The following CD276 variants were observed in gnomAD, a reference collection of about 807,000 sequenced individuals.
The protein encoded by CD276 is CD276 antigen.
In CD276, 34 loss-of-function variants were observed where a neutral mutation model predicts 50.0. That is an observed-to-expected ratio of 0.68 (90% CI 0.52 to 0.91). CD276 has a LOEUF of 0.91. CD276 is among the 40% of genes least tolerant of loss of function. The pLI is 0.00. For missense variants in CD276, 634 were observed against 717.5 expected (o/e 0.88, Z 1.33); for synonymous variants, 275 against 313.0 (o/e 0.88, Z 1.28).
intron 1 of CD276, among the ~76,000 whole-genome samples, chr15:73,685,537 T>C (rs1027259714): frequency 6.6e-6 from 1 of 151,646 alleles, no homozygotes; most frequent in Admixed American, 6.6e-5. Context: ...AGAAAAACGA[T>C]TTACCTTCAA....
intron 2 of CD276, among the ~76,000 whole-genome samples, chr15:73,700,908 C>CCTCCTCCTCT (rs761233167): frequency 2.1e-5 from 2 of 94,640 alleles, no homozygotes; most frequent in African/African-American, 6.6e-5. Context: ...TCCTCCTCCT[C>CCTCCTCCTCT]TTTTTTTTTT....
At position 73,702,304 on chromosome 15, in the gene CD276, C is replaced by T. The variant is rs374085706; in HGVS notation, c.129C>T (p.Gly43=). The T allele has an allele frequency of 5.6e-6, 9 of 1,613,002 alleles. No homozygotes were observed. The African/African-American group carries it at 1.1e-4, about 19-fold the overall frequency. The change falls in exon 3 of 10, where the codon GGC becomes GGT. Residue 43 remains glycine (G), a synonymous_variant. Transcript: ENST00000318443. The part of the protein sequence containing the change: ...VPEDPVVALV[G]TDATLCCSFS... ...AAGACCCAGTGGTGGCACTGGTGGGCACCGATGCCACCCTGTGCTGCTCCT... is the reference window on the plus strand; with the variant it reads ...AAGACCCAGTGGTGGCACTGGTGGGTACCGATGCCACCCTGTGCTGCTCCT...
Position 73,687,166 on chromosome 15 carries a change from C to T in CD276, c.-55+2706C>T, listed in dbSNP as rs67257650. 0.34 allele frequency among the ~76,000 whole-genome samples: 51,168 copies of T among 151,964 alleles called. 9,376 individuals carry two copies. The highest frequency in any genetic ancestry group is 0.41 in the Non-Finnish European group (27,545 of 67,972). On this transcript the variant is annotated intron_variant, in intron 1 of 9. Coordinates refer to ENST00000318443, the MANE Select transcript of CD276 (RefSeq NM_001024736.2). The surrounding 1 kb of genome is among the most constrained non-coding windows in gnomAD (Gnocchi z 4.0). ...GTTATGCAACCCTTGCCTGCCACCC[C>T]CAGTTCTACCGCCCTTGCAGTGTGC...
At chr15:73,712,624 G>A (rs1900949863) in intron 9 of CD276, among the ~76,000 whole-genome samples, 1 of 152,252 alleles carries the variant, frequency 6.6e-6, no homozygotes, top group Admixed American at 6.5e-5. Context: ...CAGGAGATGA[G>A]AAGGGAAAAG....
Position 73,708,373 on chromosome 15 carries a change from G to A in CD276, c.1404G>A (p.Trp468Ter). The change falls in exon 7 of 10, where the codon TGG becomes TGA. Residue 468 changes from tryptophan (W) to a stop codon, truncating the protein, a stop_gained. Coordinates refer to ENST00000318443, the MANE Select transcript of CD276 (RefSeq NM_001024736.2). LOFTEE classifies it high-confidence loss of function. ...TGACATTCCCCCCAGAGGCCCTGTGGGTGACCGTGGGGCTGTCTGTCTGTC... is the reference window on the plus strand; with the variant it reads ...TGACATTCCCCCCAGAGGCCCTGTGAGTGACCGTGGGGCTGTCTGTCTGTC... ...QPMTFPPEAL[W>*]VTVGLSVCLI... 1 of 1,614,208 alleles carries A rather than the reference G, an allele frequency of 6.2e-7. No homozygotes were observed. Among genetic ancestry groups the A allele is most frequent in the Non-Finnish European group, 8.5e-7 (1 of 1,180,040 alleles).
At position 73,699,626 on chromosome 15, in the gene CD276, C is replaced by T. The variant is rs372744864; in HGVS notation, c.-14C>T. The T allele has an allele frequency of 7.9e-5, 127 of 1,612,996 alleles. No homozygotes were observed. Among genetic ancestry groups the T allele is most frequent in the Middle Eastern group, 1.6e-4 (1 of 6,074 alleles). ...CACCACGGGGAGCCCAGCTGTCAGC[C>T]GCCTCACAGGAAGATGCTGCGTCGG... On this transcript the variant is annotated 5_prime_UTR_variant, in exon 2 of 10. Coordinates refer to ENST00000318443, the MANE Select transcript of CD276 (RefSeq NM_001024736.2).
intron 2 of CD276, among the ~76,000 whole-genome samples, chr15:73,700,488 C>G (rs766265560): frequency 1.3e-5 from 2 of 152,180 alleles, no homozygotes; most frequent in African/African-American, 4.8e-5. Flanking sequence ...TCTGATTTCT[C>G]TAGAGCAAGA....
intron 1 of CD276, among the ~76,000 whole-genome samples, chr15:73,696,364 ACT>A (rs1244137344): frequency 1.3e-5 from 2 of 151,572 alleles, no homozygotes; most frequent in Admixed American, 6.6e-5. Context: ...TTCACAGGAC[ACT>A]CTCCCATTCT....
Position 73,713,620 on chromosome 15 carries a change from C to G in CD276, c.*664C>G, listed in dbSNP as rs1162321274. ...GGGCACTCTGCGCCCACCACATGCA[C>G]AGCTGTGCATGGAGACCTGCAGGTG... On this transcript the variant is annotated 3_prime_UTR_variant, in exon 10 of 10. Transcript: ENST00000318443. The G allele has an allele frequency of 2.8e-6, 1 of 356,516 alleles. No homozygotes were observed. Among genetic ancestry groups the G allele is most frequent in the African/African-American group, 2.3e-5 (1 of 43,954 alleles). 22.1% of individuals were successfully genotyped at this position (356,516 alleles called of 1,614,324 possible).
chr15:73,685,694 C>T (rs992791826), intron 1 of CD276, among the ~76,000 whole-genome samples: 8 of 152,082 alleles, frequency 5.3e-5, no homozygotes, highest in Non-Finnish European at 2.9e-5. Context: ...TTTAGTGCGG[C>T]CTCCTCTAGT....
chr15:73,709,097 T>C (rs1252684527), intron 7 of CD276, among the ~76,000 whole-genome samples: 1 of 152,034 alleles, frequency 6.6e-6, no homozygotes, highest in East Asian at 1.9e-4. Context: ...AGTTGGCAGA[T>C]AGGTGAGTAC....
At position 73,713,160 on chromosome 15, in the gene CD276, T is replaced by G; in HGVS notation, c.*204T>G. 1 of 555,626 alleles carries G rather than the reference T, an allele frequency of 1.8e-6. No individual in the cohort carries two copies. The allele number at this position is 555,626 out of a possible 1,614,324, so 34.4% of individuals were successfully genotyped here. On this transcript the variant is annotated 3_prime_UTR_variant, in exon 10 of 10. Transcript: ENST00000318443. ...CCAAGTCATCCTGCTGCCTTTTTTC[T>G]TATAGACACAATGAACAGACCACCC...
At position 73,704,236 on chromosome 15, in the gene CD276, C is replaced by G. The variant is rs145827704; in HGVS notation, c.1133C>G (p.Thr378Arg). ...EPNKDLRPGD[T>R]VTITCSSYRG... The stretch of plus-strand genomic sequence containing the variant: ...AACAAGGACCTGCGGCCAGGGGACA[C>G]GGTGACCATCACGTGCTCCAGCTAC... Residue 378 changes from threonine to arginine, a missense_variant, in exon 6 of 10, where the codon ACG becomes AGG. Thr to Arg is a moderately conservative substitution (Grantham distance 71). Transcript: ENST00000318443. The surrounding 1 kb of genome is among the most constrained non-coding windows in gnomAD (Gnocchi z 4.1). 8 of 1,614,134 alleles carry G rather than the reference C, an allele frequency of 5.0e-6. No homozygotes were observed. The highest frequency in any genetic ancestry group is 6.8e-6 in the Non-Finnish European group (8 of 1,180,020).
At chr15:73,692,196 G>T (rs1192253918) in intron 1 of CD276, among the ~76,000 whole-genome samples, 1 of 152,134 alleles carries the variant, frequency 6.6e-6, no homozygotes, top group Non-Finnish European at 1.5e-5. Flanking sequence ...CCTCCTCTGT[G>T]CAGTCCTTAC....
intron 1 of CD276, among the ~76,000 whole-genome samples, chr15:73,694,619 G>A (rs1421252875): frequency 6.6e-6 from 1 of 152,162 alleles, no homozygotes; most frequent in Non-Finnish European, 1.5e-5. Context: ...CGTCCTCAGG[G>A]TGTTGCCTTT....
chr15:73,685,501 TG>T (rs1329696767), intron 1 of CD276, among the ~76,000 whole-genome samples: 1 of 117,954 alleles, frequency 8.5e-6, no homozygotes, highest in Non-Finnish European at 1.8e-5. Context: ...GTGTGGCGGG[TG>T]GGGGGGTGTT....
At chr15:73,688,251 A>T (rs1899843600) in intron 1 of CD276, among the ~76,000 whole-genome samples, 1 of 152,028 alleles carries the variant, frequency 6.6e-6, no homozygotes, top group Non-Finnish European at 1.5e-5. Context: ...CTCAGTGCAG[A>T]GGCCCCATCT....
At chr15:73,700,547 C>T (rs978245079) in intron 2 of CD276, among the ~76,000 whole-genome samples, 1 of 152,150 alleles carries the variant, frequency 6.6e-6, no homozygotes, top group African/African-American at 2.4e-5. Flanking sequence ...CCAAATGTCC[C>T]CTCCAAGGGG....
At chr15:73,698,149 C>G (rs1900245558) in intron 1 of CD276, among the ~76,000 whole-genome samples, 1 of 152,174 alleles carries the variant, frequency 6.6e-6, no homozygotes, top group Non-Finnish European at 1.5e-5. Flanking sequence ...CAGCCACAGA[C>G]TTGCCTCTTA....
Sources: allele counts gnomAD v4.1 joint callset (sites outside exome capture counted in the v4.1 genomes callset), GRCh38; gene constraint gnomAD v4.1.1; non-coding constraint Gnocchi (gnomAD v3.1); transcripts MANE v1.5; gene names NCBI Gene and HGNC (gene_info 2026-07-23, HGNC 2026-07-21).